Variants in CMPK1 observed in about 807,000 individuals in gnomAD.
CMPK1 encodes cytidine/uridine monophosphate kinase 1.
CMPK1 carries 10 observed loss-of-function variants against 25.7 expected under a neutral mutation model. The ratio of observed to expected loss-of-function variants is 0.39; its 90% CI spans 0.24 to 0.66. The LOEUF (loss-of-function observed/expected upper bound fraction) is 0.66. Among genes scored for constraint, CMPK1 ranks in the 30% least tolerant of loss-of-function variants. CMPK1 has a pLI of 0.48. For synonymous variants in CMPK1, 106 were observed against 101.5 expected, an observed-to-expected ratio of 1.04 and a Z score of -0.27; for missense variants, 199 against 280.5, an observed-to-expected ratio of 0.71 and a Z score of 2.08.
At chr1:47,363,495 G>A (rs12077141) in intron 1 of CMPK1, among the ~76,000 whole-genome samples, 12,182 of 152,020 alleles carry the variant, frequency 0.08, 1,611 homozygotes, top group African/African-American at 0.28. Flanking sequence ...GCATGGTGGC[G>A]GCTGCAGTGG....
rs1368922398 is a variant in CMPK1 at position 47,377,919 on chromosome 1, T to C, written c.*1174T>C. The C allele has an allele frequency of 6.6e-6, 1 of 152,632 alleles. No individual in the cohort carries two copies. Among genetic ancestry groups the C allele is most frequent in the Non-Finnish European group, 1.5e-5 (1 of 68,036 alleles). 9.5% of individuals were successfully genotyped at this position (152,632 alleles called of 1,614,324 possible). On this transcript the variant is annotated 3_prime_UTR_variant, in exon 6 of 6. Transcript: ENST00000371873. ...CACCAATTCTTCCTTTAAAAATCTC[T>C]GAGGAATTTGTTTTCGCCTTACTTT... is the stretch of plus-strand genomic sequence containing the variant.
At chr1:47,345,496 C>CTTT (rs758503471) in intron 1 of CMPK1, among the ~76,000 whole-genome samples, 2 of 142,752 alleles carry the variant, frequency 1.4e-5, no homozygotes, top group Admixed American at 7.0e-5. Flanking sequence ...AATTTAATTT[C>CTTT]TTTTTTTTTT....
chr1:47,362,433 G>A (rs1324025276), intron 1 of CMPK1, among the ~76,000 whole-genome samples: 1 of 152,068 alleles, frequency 6.6e-6, no homozygotes, highest in Non-Finnish European at 1.5e-5. Context: ...CTCCCAGAGT[G>A]TTGGGATCAC....
rs1215873063 is a variant in CMPK1, at chr1:47,378,512, C to A, written c.*1767C>A. 1.3e-5 allele frequency: 2 copies of A among 152,192 alleles called. No homozygotes were observed. The highest frequency in any genetic ancestry group is 2.9e-5 in the Non-Finnish European group (2 of 68,024). The allele number at this position is 152,192 out of a possible 1,614,324, so 9.4% of individuals were successfully genotyped here. A position where few individuals can be genotyped will look rare whatever the true frequency, so the allele number is the denominator to read the frequency against. On this transcript the variant is annotated 3_prime_UTR_variant, in exon 6 of 6. Transcript: ENST00000371873. Reference sequence around the variant, plus strand: ...ACTGATGAGACTAGGTGCTTTGCTTCCTTTCATCAGGTATCTTTCTGTGGC... The same window carrying A: ...ACTGATGAGACTAGGTGCTTTGCTTACTTTCATCAGGTATCTTTCTGTGGC...
chr1:47,372,788 TTTTC>T (rs368482415), intron 2 of CMPK1, among the ~76,000 whole-genome samples, 163 bp from the exon 3 acceptor site: 20 of 138,758 alleles, frequency 1.4e-4, no homozygotes, highest in African/African-American at 3.0e-4. Context: ...TTCTAGTCTT[TTTTC>T]TTTCTTTCTT....
intron 1 of CMPK1, among the ~76,000 whole-genome samples, chr1:47,355,730 G>A (rs924653557): frequency 2.6e-5 from 4 of 151,026 alleles, no homozygotes; most frequent in East Asian, 3.9e-4. Context: ...CCTCAGCCCC[G>A]CAAGTAGCTG....
At chr1:47,354,159 C>G (rs535415293) in intron 1 of CMPK1, among the ~76,000 whole-genome samples, 1 of 151,782 alleles carries the variant, frequency 6.6e-6, no homozygotes, top group Non-Finnish European at 1.5e-5. Context: ...CCCATCTCTA[C>G]AAAAAATAAA....
rs779733220 is a variant in CMPK1, at chr1:47,334,012, C to A, written c.67C>A (p.Arg23=). Residue 23 remains arginine, a synonymous_variant, in exon 1 of 6, where the codon CGG becomes AGG. Transcript: ENST00000371873. ...LGLSFLLQTR[R]PILLCSPRLM... is the part of the protein sequence containing the mutation. ...CCTTAGCTTCCTGCTGCAGACCCGC[C>A]GGCCGATTCTCCTCTGCTCTCCACG... 3 of 1,549,360 alleles carry A rather than the reference C, an allele frequency of 1.9e-6. No homozygotes were observed. Among genetic ancestry groups the A allele is most frequent in the Non-Finnish European group, 2.6e-6 (3 of 1,147,932 alleles).
chr1:47,356,780 C>T (rs752687827), intron 1 of CMPK1, among the ~76,000 whole-genome samples: 3 of 152,054 alleles, frequency 2.0e-5, no homozygotes, highest in Non-Finnish European at 2.9e-5. Flanking sequence ...TGTGCCTCAG[C>T]CTCCTAACTA....
intron 1 of CMPK1, among the ~76,000 whole-genome samples, chr1:47,367,751 A>C (rs973468204): frequency 1.3e-5 from 2 of 151,954 alleles, no homozygotes; most frequent in Non-Finnish European, 2.9e-5. Context: ...GTGGAAGAAG[A>C]AGCTTTTCTT....
intron 1 of CMPK1, among the ~76,000 whole-genome samples, chr1:47,355,668 G>A (rs1016819558): frequency 1.3e-5 from 2 of 150,818 alleles, no homozygotes; most frequent in African/African-American, 4.9e-5. Context: ...GTGCAGTGGT[G>A]CAATCTTGGC....
chr1:47,334,433 G>C (rs1472416472), intron 1 of CMPK1, among the ~76,000 whole-genome samples: 2 of 152,228 alleles, frequency 1.3e-5, no homozygotes, highest in Non-Finnish European at 2.9e-5. Flanking sequence ...AACCTTTGGG[G>C]GTCCCCCAGC....
Position 47,334,135 on chromosome 1 carries a change from G to A in CMPK1, c.171+19G>A. On this transcript the variant is annotated intron_variant, in intron 1 of 5. Coordinates refer to ENST00000371873, the MANE Select transcript of CMPK1 (RefSeq NM_016308.3). ...CGTCGAGGTGAGGCCCGGGCAGCAG[G>A]CGGGCTCCTTGGGGCTTGACGGGAT... 4 of 1,476,942 alleles carry A rather than the reference G, an allele frequency of 2.7e-6. No individual in the cohort carries two copies. The South Asian group carries it at 5.1e-5, about 19-fold the overall frequency. 91.5% of individuals were successfully genotyped at this position (1,476,942 alleles called of 1,614,324 possible).
At chr1:47,348,358 A>G (rs1646499727) in intron 1 of CMPK1, among the ~76,000 whole-genome samples, 1 of 152,190 alleles carries the variant, frequency 6.6e-6, no homozygotes. Flanking sequence ...TTGCTCTTAC[A>G]TTTTAGTTGC....
intron 1 of CMPK1, among the ~76,000 whole-genome samples, chr1:47,357,800 T>C (rs1200957110): frequency 6.6e-6 from 1 of 152,020 alleles, no homozygotes; most frequent in East Asian, 1.9e-4. Context: ...TTGTTTTTTA[T>C]GTCAAATACA....
chr1:47,371,141 G>A (rs761784417), intron 2 of CMPK1, among the ~76,000 whole-genome samples: 13 of 152,246 alleles, frequency 8.5e-5, no homozygotes, highest in South Asian at 4.2e-4. Flanking sequence ...GAAGCCTGAT[G>A]GAAAAGAGCT....
At chr1:47,362,762 C>T (rs939836219) in intron 1 of CMPK1, among the ~76,000 whole-genome samples, 3 of 152,192 alleles carry the variant, frequency 2.0e-5, no homozygotes, top group African/African-American at 4.8e-5. Flanking sequence ...ATGAAATATG[C>T]ATGGTCAAAT....
intron 1 of CMPK1, among the ~76,000 whole-genome samples, chr1:47,365,934 C>T (rs1298081609): frequency 6.6e-6 from 1 of 152,124 alleles, no homozygotes; most frequent in Admixed American, 6.5e-5. Context: ...TGGCTCATGC[C>T]TGTAATCCCA....
At position 47,377,141 on chromosome 1, in the gene CMPK1, C is replaced by T. The variant is rs182966385; in HGVS notation, c.*396C>T. 6.5e-6 allele frequency: 1 copy of T among 154,978 alleles called. No homozygotes were observed. Among genetic ancestry groups the T allele is most frequent in the Admixed American group, 6.5e-5 (1 of 15,362 alleles). 9.6% of individuals were successfully genotyped at this position (154,978 alleles called of 1,614,324 possible). ...TTTCTTGCAAGTTTTAAATTTCCAA[C>T]CTTAAGTGAATTTGTGGACCAAATT... On this transcript the variant is annotated 3_prime_UTR_variant, in exon 6 of 6. Coordinates refer to ENST00000371873, the MANE Select transcript of CMPK1 (RefSeq NM_016308.3).
Sources: gnomAD v4.1 joint callset for allele counts (sites outside exome capture counted in the v4.1 genomes callset) on GRCh38, gnomAD v4.1.1 for gene constraint, MANE v1.5 for transcripts, NCBI Gene and HGNC (gene_info 2026-07-23, HGNC 2026-07-21) for gene names.